APLF: variants seen among roughly 807,000 people sequenced by gnomAD.
APLF encodes the protein aprataxin and PNK-like factor.
Under a neutral mutation model 55.6 loss-of-function variants are expected in APLF, and 61 were observed. The observed-to-expected ratio is 1.10, with a 90% CI of 0.89 to 1.36. APLF has a LOEUF of 1.36. Ranked by LOEUF, APLF falls within the 40% of genes most tolerant of loss-of-function variation. The pLI is 0.00. For missense variants in APLF, 611 were observed against 602.5 expected (o/e 1.01, Z -0.15); for synonymous variants, 207 against 214.8 (o/e 0.96, Z 0.32).
chr2:68,514,829 T>C (rs920157863), intron 5 of APLF, among the ~76,000 whole-genome samples: 15 of 151,872 alleles, frequency 9.9e-5, no homozygotes, highest in Non-Finnish European at 1.6e-4. Context: ...ACCTTGACAC[T>C]TCTCCAACTC....
At chr2:68,550,709 C>T (rs922006045) in intron 8 of APLF, among the ~76,000 whole-genome samples, 1 of 151,852 alleles carries the variant, frequency 6.6e-6, no homozygotes, top group Non-Finnish European at 1.5e-5. Flanking sequence ...CACTTTATTT[C>T]CATAGGCATC....
Position 68,529,231 on chromosome 2 carries a change from C to T in APLF, c.804+2989C>T. On this transcript the variant is annotated intron_variant, in intron 6 of 9. Coordinates refer to ENST00000303795, the MANE Select transcript of APLF (RefSeq NM_173545.3). The surrounding 1 kb of genome is among the most constrained non-coding windows in gnomAD (Gnocchi z 4.4). ...TGCCCGTGTTCCAAGGGATAAGACA[C>T]AGCCTCATAAGGGTGCCGTCCCACC... 8.0e-7 allele frequency: 1 copy of T among 1,249,072 alleles called. No individual in the cohort carries two copies. The highest frequency in any genetic ancestry group is 1.6e-5 in the South Asian group (1 of 63,232). The allele number at this position is 1,249,072 out of a possible 1,614,324, so 77.4% of individuals were successfully genotyped here.
intron 6 of APLF, among the ~76,000 whole-genome samples, chr2:68,534,660 G>A (rs1416953334): frequency 1.3e-5 from 2 of 152,102 alleles, no homozygotes; most frequent in Non-Finnish European, 2.9e-5. Flanking sequence ...TACATTGTAG[G>A]GGATTTGGCC....
At chr2:68,546,791 G>A (rs928882368) in intron 8 of APLF, among the ~76,000 whole-genome samples, 1 of 151,668 alleles carries the variant, frequency 6.6e-6, no homozygotes, top group Non-Finnish European at 1.5e-5. Context: ...AAAATTTATA[G>A]CAAATATTAT....
At chr2:68,543,348 C>T (rs79123973) in intron 7 of APLF, among the ~76,000 whole-genome samples, 1 of 152,040 alleles carries the variant, frequency 6.6e-6, no homozygotes, top group Non-Finnish European at 1.5e-5. Flanking sequence ...ATATTCTTAG[C>T]ACAGTTTAAA....
intron 5 of APLF, among the ~76,000 whole-genome samples, chr2:68,518,118 A>G (rs1669697267): frequency 7.7e-6 from 1 of 130,566 alleles, no homozygotes; most frequent in Non-Finnish European, 1.6e-5. Flanking sequence ...TATCATATAC[A>G]ATATTAATAT....
At chr2:68,472,166 C>T (rs186342562) in intron 1 of APLF, among the ~76,000 whole-genome samples, 20 of 152,216 alleles carry the variant, frequency 1.3e-4, no homozygotes, top group African/African-American at 4.8e-4. Context: ...AGATAGCGGA[C>T]TTCAGAGATA....
intron 1 of APLF, among the ~76,000 whole-genome samples, chr2:68,487,752 T>C (rs1676230360): frequency 6.6e-6 from 1 of 152,134 alleles, no homozygotes; most frequent in African/African-American, 2.4e-5. Context: ...TTAATGATAA[T>C]TTATTAAACC....
At chr2:68,533,239 C>T (rs555837418) in intron 6 of APLF, among the ~76,000 whole-genome samples, 2 of 152,294 alleles carry the variant, frequency 1.3e-5, no homozygotes, top group South Asian at 4.1e-4. Context: ...GACCCCACAA[C>T]TGTGAGATAA....
At chr2:68,484,192 A>G (rs1347900602) in intron 1 of APLF, among the ~76,000 whole-genome samples, 1 of 152,128 alleles carries the variant, frequency 6.6e-6, no homozygotes, top group African/African-American at 2.4e-5. Context: ...GAGTTCTTTT[A>G]TGTTTTCATG....
chr2:68,472,958 G>A (rs981266532), intron 1 of APLF, among the ~76,000 whole-genome samples: 2 of 152,014 alleles, frequency 1.3e-5, no homozygotes, highest in African/African-American at 4.8e-5. Context: ...CAGCTTCCCC[G>A]ACTATCAACA....
At chr2:68,557,833 C>G (rs1443522382) in intron 8 of APLF, among the ~76,000 whole-genome samples, 2 of 151,908 alleles carry the variant, frequency 1.3e-5, no homozygotes, top group African/African-American at 4.8e-5. Flanking sequence ...ATCACTTGAA[C>G]CCGGGAGGTG....
At chr2:68,495,270 T>C (rs1207630702) in intron 2 of APLF, among the ~76,000 whole-genome samples, 3 of 152,232 alleles carry the variant, frequency 2.0e-5, no homozygotes, top group Non-Finnish European at 2.9e-5. Context: ...GTCTCTTCTA[T>C]TTATGAGCCT....
intron 6 of APLF, among the ~76,000 whole-genome samples, chr2:68,532,314 A>G (rs927670787): frequency 7.2e-5 from 11 of 152,330 alleles, no homozygotes; most frequent in Middle Eastern, 3.4e-3. Flanking sequence ...AAAGAATTAC[A>G]TTCTCTTAGG....
At chr2:68,492,156 A>G (rs1467396172) in intron 2 of APLF, among the ~76,000 whole-genome samples, 1 of 152,124 alleles carries the variant, frequency 6.6e-6, no homozygotes, top group African/African-American at 2.4e-5. Flanking sequence ...TTATTCAGAT[A>G]TATTTTGTAC....
chr2:68,494,145 G>A (rs1263499404), intron 2 of APLF, among the ~76,000 whole-genome samples: 1 of 150,982 alleles, frequency 6.6e-6, no homozygotes, highest in African/African-American at 2.4e-5. Context: ...GCGTGGTGGT[G>A]GGTGTCTGTA....
intron 1 of APLF, among the ~76,000 whole-genome samples, chr2:68,489,889 G>A (rs1676301387): frequency 6.6e-6 from 1 of 152,046 alleles, no homozygotes; most frequent in Non-Finnish European, 1.5e-5. Context: ...AATTTTCTTG[G>A]TAAGAATCCC....
chr2:68,495,822 G>C (rs75892719), intron 2 of APLF, among the ~76,000 whole-genome samples: 1 of 152,228 alleles, frequency 6.6e-6, no homozygotes. Context: ...GCTTAACACC[G>C]TGTGAGAGCT....
chr2:68,528,887 G>T (rs567277483), intron 6 of APLF: 2 of 1,507,678 alleles, frequency 1.3e-6, no homozygotes, highest in African/African-American at 2.8e-5. Flanking sequence ...GTTTCCCTGA[G>T]TCTCCAGGGG....
Sources: allele counts gnomAD v4.1 joint callset (sites outside exome capture counted in the v4.1 genomes callset), GRCh38; gene constraint gnomAD v4.1.1; non-coding constraint Gnocchi (gnomAD v3.1); transcripts MANE v1.5; gene names NCBI Gene and HGNC (gene_info 2026-07-23, HGNC 2026-07-21).